The following ASIC2 variants were observed in gnomAD, a reference collection of about 807,000 sequenced individuals.
ASIC2 encodes acid sensing ion channel subunit 2.
In ASIC2, 25 loss-of-function variants were observed where a neutral mutation model predicts 57.3. That is an observed-to-expected ratio of 0.44 (90% confidence interval 0.32 to 0.61). The LOEUF (loss-of-function observed/expected upper bound fraction) is 0.61. ASIC2 is among the 20% of genes least tolerant of loss of function. The pLI, the probability that ASIC2 is intolerant of heterozygous loss-of-function variation, is 0.06. For missense variants in ASIC2, 641 were observed against 738.1 expected (o/e 0.87, Z 1.52); for synonymous variants, 319 against 307.5 (o/e 1.04, Z -0.39).
chr17:33,543,616 T>C (rs369115594), intron 1 of ASIC2, among the ~76,000 whole-genome samples: 4 of 152,358 alleles, frequency 2.6e-5, no homozygotes, highest in African/African-American at 9.6e-5. Context: ...CTGTGGTCCC[T>C]GCTAGCATGC....
intron 1 of ASIC2, among the ~76,000 whole-genome samples, chr17:33,700,269 G>A (rs1908655850): frequency 1.3e-5 from 2 of 151,916 alleles, no homozygotes; most frequent in Admixed American, 6.6e-5. Flanking sequence ...CTGGACTCTG[G>A]GGAGGTGAAA....
At chr17:33,961,690 A>G (rs1250843793) in intron 1 of ASIC2, among the ~76,000 whole-genome samples, 3 of 152,200 alleles carry the variant, frequency 2.0e-5, no homozygotes, top group East Asian at 1.9e-4. Context: ...GAAGAATTTC[A>G]AAAAGCCCAC....
chr17:33,635,561 A>G (rs981665603), intron 1 of ASIC2, among the ~76,000 whole-genome samples: 2 of 152,214 alleles, frequency 1.3e-5, no homozygotes, highest in African/African-American at 4.8e-5. Flanking sequence ...CTGCTCTGCA[A>G]GTGAATTGCT....
chr17:33,879,193 C>A (rs1370232246), intron 1 of ASIC2, among the ~76,000 whole-genome samples: 2 of 152,192 alleles, frequency 1.3e-5, no homozygotes, highest in African/African-American at 4.8e-5. Context: ...GAAGAAACTG[C>A]ATCAACTAAC....
chr17:33,354,354 T>A (rs574260735), intron 1 of ASIC2, among the ~76,000 whole-genome samples: 63 of 152,240 alleles, frequency 4.1e-4, no homozygotes, highest in Non-Finnish European at 5.7e-4. Flanking sequence ...ATCCCTCATC[T>A]CTCACCTGGA....
At chr17:33,114,231 C>T (rs751644661) in intron 1 of ASIC2, among the ~76,000 whole-genome samples, 1 of 152,184 alleles carries the variant, frequency 6.6e-6, no homozygotes, top group Non-Finnish European at 1.5e-5. Flanking sequence ...AGCAAATATG[C>T]TTTTTCAAAG....
chr17:33,333,917 T>A (rs1907414111), intron 1 of ASIC2, among the ~76,000 whole-genome samples: 1 of 152,180 alleles, frequency 6.6e-6, no homozygotes, highest in Admixed American at 6.5e-5. Flanking sequence ...CTGGGGCTGC[T>A]CCTTAAACAA....
intron 3 of ASIC2, among the ~76,000 whole-genome samples, chr17:33,045,804 CCT>C (rs1401075023): frequency 3.9e-5 from 6 of 152,200 alleles, no homozygotes; most frequent in Non-Finnish European, 8.8e-5. Flanking sequence ...TCCTCCGTTT[CCT>C]CTTTTTCTTT....
intron 1 of ASIC2, among the ~76,000 whole-genome samples, chr17:33,134,270 G>A (rs919786353): frequency 6.6e-6 from 1 of 152,178 alleles, no homozygotes; most frequent in African/African-American, 2.4e-5. Flanking sequence ...GATTCACACC[G>A]AGGTCAGTGT....
chr17:34,020,505 A>C (rs564265794), intron 1 of ASIC2, among the ~76,000 whole-genome samples: 1 of 152,220 alleles, frequency 6.6e-6, no homozygotes, highest in Non-Finnish European at 1.5e-5. Flanking sequence ...GAGATCTTGA[A>C]AGCAGGGAAC....
chr17:33,409,898 C>T (rs1218978264), intron 1 of ASIC2, among the ~76,000 whole-genome samples: 1 of 152,190 alleles, frequency 6.6e-6, no homozygotes, highest in Non-Finnish European at 1.5e-5. Context: ...CCCCCAGTTT[C>T]CACTTGTCCA....
intron 1 of ASIC2, among the ~76,000 whole-genome samples, chr17:33,539,863 G>A (rs1915352832): frequency 6.6e-6 from 1 of 152,214 alleles, no homozygotes; most frequent in South Asian, 2.1e-4. Flanking sequence ...GGGAATGAGT[G>A]ACAAGGGACT....
intron 1 of ASIC2, among the ~76,000 whole-genome samples, chr17:33,439,851 C>A (rs986088845): frequency 2.0e-5 from 3 of 152,198 alleles, no homozygotes; most frequent in African/African-American, 7.2e-5. Context: ...AGCATCGGCT[C>A]CAGTCTGCCA....
At chr17:33,542,389 A>G (rs1407423417) in intron 1 of ASIC2, among the ~76,000 whole-genome samples, 2 of 124,832 alleles carry the variant, frequency 1.6e-5, no homozygotes, top group Non-Finnish European at 3.4e-5. Flanking sequence ...CTATTTCTCC[A>G]CATCCTCTCC....
chr17:33,679,446 C>T (rs1037067925), intron 1 of ASIC2, among the ~76,000 whole-genome samples: 16 of 152,186 alleles, frequency 1.1e-4, no homozygotes, highest in Admixed American at 1.0e-3. Flanking sequence ...TTAATCCAAA[C>T]ACTCATTCAG....
At chr17:33,422,730 T>C (rs1911089065) in intron 1 of ASIC2, among the ~76,000 whole-genome samples, 1 of 152,074 alleles carries the variant, frequency 6.6e-6, no homozygotes. Context: ...CTCTCACAGG[T>C]GCTGATCTCC....
chr17:33,284,768 C>G (rs1213303458), intron 1 of ASIC2, among the ~76,000 whole-genome samples: 3 of 152,178 alleles, frequency 2.0e-5, no homozygotes, highest in Admixed American at 2.0e-4. Flanking sequence ...CATCTGTAAG[C>G]AGGGTTCCAT....
intron 1 of ASIC2, among the ~76,000 whole-genome samples, chr17:33,417,914 G>A (rs1204136972): frequency 6.6e-6 from 1 of 152,110 alleles, no homozygotes; most frequent in Non-Finnish European, 1.5e-5. Context: ...GGCCCGACTA[G>A]GCTTTCTCTG....
At chr17:34,069,292 TTCC>T (rs1443333978) in intron 1 of ASIC2, 1 of 127,414 alleles carries the variant, frequency 7.8e-6, no homozygotes, top group African/African-American at 3.4e-5. Flanking sequence ...CTTCCTTTCT[TTCC>T]TTCTTCCTTC....
Sources: allele counts gnomAD v4.1 joint callset (sites outside exome capture counted in the v4.1 genomes callset), GRCh38; gene constraint gnomAD v4.1.1; transcripts MANE v1.5; gene names NCBI Gene and HGNC (gene_info 2026-07-23, HGNC 2026-07-21).